ASTL: variants seen among roughly 807,000 people sequenced by gnomAD.
ASTL encodes the protein astacin like metalloendopeptidase.
ASTL carries 27 observed loss-of-function variants against 36.7 expected under a neutral mutation model. That is an observed-to-expected ratio of 0.73 (90% CI 0.54 to 1.01). ASTL has a LOEUF of 1.01. ASTL is among the 50% of genes least tolerant of loss of function. The pLI, the probability that ASTL is intolerant of heterozygous loss-of-function variation, is 0.00. For missense variants in ASTL, 524 were observed against 572.8 expected (o/e 0.91, Z 0.87); for synonymous variants, 222 against 228.1 (o/e 0.97, Z 0.24).
In ASTL at chr2:96,136,901, G is replaced by A. The variant is rs375752259; in HGVS notation, c.181+674C>T. 6.2e-4 allele frequency among the ~76,000 whole-genome samples: 94 copies of A among 152,310 alleles called. 3 individuals carry two copies. The South Asian group carries it at 0.019, about 32-fold the overall frequency. Reference sequence around the variant, plus strand: ...GCTCTGTCGCCCAGGCTGGAGTGCAGTGGCGCAATCTCAGCTCACTGCAAG... The same window carrying A: ...GCTCTGTCGCCCAGGCTGGAGTGCAATGGCGCAATCTCAGCTCACTGCAAG... On this transcript the variant is annotated intron_variant, in intron 2 of 8. Transcript: ENST00000342380.
chr2:96,137,863 C>G (rs1249958995), intron 1 of ASTL, 163 bp from the exon 2 acceptor site: 1 of 681,126 alleles, frequency 1.5e-6, no homozygotes, highest in Non-Finnish European at 2.4e-6. Flanking sequence ...CCTCCCTGCT[C>G]AACCCCAACT....
intron 1 of ASTL, 21 bp from the exon 2 acceptor site, chr2:96,137,721 C>T (rs772088760): frequency 1.2e-6 from 2 of 1,600,272 alleles, no homozygotes; most frequent in African/African-American, 2.7e-5. Context: ...CAGACAGGGG[C>T]ATACACAGAT....
chr2:96,135,845 G>A (rs1382420988), intron 2 of ASTL, among the ~76,000 whole-genome samples: 5 of 152,238 alleles, frequency 3.3e-5, no homozygotes, highest in South Asian at 2.1e-4. Flanking sequence ...CATGACCCAC[G>A]CAATCCAGTC....
In ASTL at chr2:96,137,848, C is replaced by T; in HGVS notation, c.56-148G>A. ...CTCCAGCACAAAGCCAAGGAGCCTT[C>T]CCAGCCTCCCTGCTCAACCCCAACT... On this transcript the variant is annotated intron_variant, in intron 1 of 8. Coordinates refer to ENST00000342380, the MANE Select transcript of ASTL (RefSeq NM_001002036.4). The T allele has an allele frequency of 3.8e-6, 3 of 780,160 alleles. No homozygotes were observed. The South Asian group carries it at 5.8e-5, about 15-fold the overall frequency. The allele number at this position is 780,160 out of a possible 1,614,324, so 48.3% of individuals were successfully genotyped here.
At chr2:96,131,774 G>C (rs1351968055) in intron 6 of ASTL, among the ~76,000 whole-genome samples, 1 of 152,076 alleles carries the variant, frequency 6.6e-6, no homozygotes, top group African/African-American at 2.4e-5. Context: ...GAAAGGTCTC[G>C]TGCTGGACGC....
At chr2:96,131,853 C>G (rs1363808121) in intron 6 of ASTL, among the ~76,000 whole-genome samples, 1 of 152,226 alleles carries the variant, frequency 6.6e-6, no homozygotes, top group Non-Finnish European at 1.5e-5. Flanking sequence ...TCCTCTGCCC[C>G]TCCCTCGTGG....
At chr2:96,130,719 C>A (rs1332271196) in intron 6 of ASTL, among the ~76,000 whole-genome samples, 3 of 152,196 alleles carry the variant, frequency 2.0e-5, no homozygotes, top group African/African-American at 7.2e-5. Context: ...AGCCAGCCAG[C>A]CACGCATACA....
In ASTL at chr2:96,124,002, C is replaced by T; in HGVS notation, c.1144G>A (p.Ala382Thr). Residue 382 changes from alanine to threonine, a missense_variant, in exon 9 of 9, where the codon GCT becomes ACT. Physicochemically the swap from Ala to Thr is moderately conservative, Grantham distance 58. Coordinates refer to ENST00000342380, the MANE Select transcript of ASTL (RefSeq NM_001002036.4). This position sits in a 1 kb window ranked among gnomAD's most constrained non-coding sequence, Gnocchi z 4.1. The stretch of plus-strand genomic sequence containing the variant: ...CCGGCCAGCCAGGACTGCTCCTGAG[C>T]AACACCGGGGGCACCTGCTCCAGGC... ...SRPGAGAPGVAQEQSWLAGVS... is the reference protein window; with the variant it reads ...SRPGAGAPGVTQEQSWLAGVS... The T allele has an allele frequency of 6.2e-7, 1 of 1,614,036 alleles. No homozygotes were observed. Among genetic ancestry groups the T allele is most frequent in the Non-Finnish European group, 8.5e-7 (1 of 1,179,988 alleles).
intron 6 of ASTL, among the ~76,000 whole-genome samples, chr2:96,131,398 C>T (rs1053856436): frequency 6.6e-6 from 1 of 152,106 alleles, no homozygotes; most frequent in Non-Finnish European, 1.5e-5. Context: ...TCGGTTTCTA[C>T]TTTATATCAT....
intron 4 of ASTL, 150 bp from the exon 5 acceptor site, chr2:96,133,692 C>A (rs1682233708): frequency 4.5e-6 from 3 of 663,274 alleles, no homozygotes; most frequent in Admixed American, 5.0e-5. Flanking sequence ...GGGCCCCAGA[C>A]AGACCCTGGC....
intron 3 of ASTL, among the ~76,000 whole-genome samples, chr2:96,134,490 G>GC (rs927943747): frequency 1.1e-4 from 16 of 152,198 alleles, no homozygotes; most frequent in African/African-American, 3.6e-4. Flanking sequence ...AAGTGAGGCA[G>GC]CACCCTGGCC....
At position 96,129,719 on chromosome 2, in the gene ASTL, C is replaced by G. The variant is rs576463653; in HGVS notation, c.874+105G>C. 3.4e-6 allele frequency: 4 copies of G among 1,175,614 alleles called. No homozygotes were observed. The South Asian group carries it at 7.3e-5, about 21-fold the overall frequency. 72.8% of individuals were successfully genotyped at this position (1,175,614 alleles called of 1,614,324 possible). On this transcript the variant is annotated intron_variant, in intron 8 of 8. Transcript: ENST00000342380. ...TGTGGCAAGCCCCCGTGATCTCACC[C>G]TGCTCCCCCTGCAACCTCATCTCCC... is the stretch of plus-strand genomic sequence containing the variant.
chr2:96,130,855 C>T (rs1001922904), intron 6 of ASTL, among the ~76,000 whole-genome samples: 4 of 151,592 alleles, frequency 2.6e-5, no homozygotes, highest in African/African-American at 7.2e-5. Flanking sequence ...ATTCATTAAA[C>T]ATACTTTTGA....
Position 96,124,130 on chromosome 2 carries a change from G to A in ASTL, c.1016C>T (p.Pro339Leu). 6.3e-7 allele frequency: 1 copy of A among 1,586,508 alleles called. No homozygotes were observed. The change falls in exon 9 of 9, where the codon CCT becomes CTT. Residue 339 changes from proline to leucine, a missense_variant. Physicochemically the swap from Pro to Leu is moderately conservative, Grantham distance 98. Coordinates refer to ENST00000342380, the MANE Select transcript of ASTL (RefSeq NM_001002036.4). The surrounding 1 kb of genome is among the most constrained non-coding windows in gnomAD (Gnocchi z 4.1). ...SAGGQPVPAG[P>L]GESPHGWESP... ...CTCCCACCCATGTGGGCTCTCCCCA[G>A]GCCCTGCAGGAACGGGCTGGCCTCC...
At chr2:96,129,119 A>G (rs546351785) in intron 8 of ASTL, among the ~76,000 whole-genome samples, 11 of 152,288 alleles carry the variant, frequency 7.2e-5, no homozygotes, top group Admixed American at 1.3e-4. Context: ...TAATTTGGGA[A>G]GACTGAATTT....
In ASTL at chr2:96,124,580, C is replaced by T. The variant is rs573987589; in HGVS notation, c.875-309G>A. On this transcript the variant is annotated intron_variant, in intron 8 of 8. Coordinates refer to ENST00000342380, the MANE Select transcript of ASTL (RefSeq NM_001002036.4). This position sits in a 1 kb window ranked among gnomAD's most constrained non-coding sequence, Gnocchi z 4.1. ...ACCCAGCACCAAAGCGCCCACCTTC[C>T]GGACCCTTCACCCAGGTTGTTCTGC... is the stretch of plus-strand genomic sequence containing the variant. Among the ~76,000 whole-genome samples the T allele has an allele frequency of 1.2e-4, 18 of 152,236 alleles. No homozygotes were observed. The highest frequency in any genetic ancestry group is 2.9e-4 in the African/African-American group (12 of 41,536).
chr2:96,134,778 G>A (rs924246510), intron 3 of ASTL, among the ~76,000 whole-genome samples: 3 of 152,218 alleles, frequency 2.0e-5, no homozygotes, highest in African/African-American at 7.2e-5. Context: ...CTGGGTCACT[G>A]TCCTATTCAG....
At chr2:96,125,794 G>A (rs553590918) in intron 8 of ASTL, among the ~76,000 whole-genome samples, 91 of 152,148 alleles carry the variant, frequency 6.0e-4, no homozygotes, top group African/African-American at 2.1e-3. Context: ...AATACAAAAC[G>A]TAGCCAGCAT....
At chr2:96,138,259 C>T (rs957582780) in intron 1 of ASTL, 123 bp downstream of exon 1, 7 of 929,904 alleles carry the variant, frequency 7.5e-6, no homozygotes, top group Middle Eastern at 2.6e-4. Flanking sequence ...CCCTGGAGAG[C>T]TCTGTGCTCT....
Sources: allele counts gnomAD v4.1 joint callset (sites outside exome capture counted in the v4.1 genomes callset), GRCh38; gene constraint gnomAD v4.1.1; non-coding constraint Gnocchi (gnomAD v3.1); transcripts MANE v1.5; gene names NCBI Gene and HGNC (gene_info 2026-07-23, HGNC 2026-07-21).